The following KCNJ13 variants were observed in gnomAD, a reference collection of about 807,000 sequenced individuals.
KCNJ13 encodes potassium inwardly rectifying channel subfamily J member 13, also known as inward rectifier potassium channel 13.
KCNJ13 carries 9 observed loss-of-function variants against 24.6 expected under a neutral mutation model. The observed-to-expected ratio is 0.37, with a 90% confidence interval of 0.22 to 0.64. The LOEUF is 0.64. Ranked by LOEUF, KCNJ13 falls within the 30% of genes least tolerant of loss-of-function variation. The probability of loss-of-function intolerance (pLI) is 0.64; values close to 1 mark genes in which losing one functional copy is unlikely to be tolerated. For synonymous variants in KCNJ13, 148 were observed against 154.7 expected (o/e 0.96, Z 0.32); for missense variants, 337 against 443.8 (o/e 0.76, Z 2.16).
chr2:232,769,179 G>A (rs569299655), intron 2 of KCNJ13, among the ~76,000 whole-genome samples: 1 of 152,298 alleles, frequency 6.6e-6, no homozygotes, highest in South Asian at 2.1e-4. Flanking sequence ...AGATTACGTT[G>A]AAGTAGAGAC....
At chr2:232,769,128 A>T (rs1370301404) in intron 2 of KCNJ13, among the ~76,000 whole-genome samples, 3 of 151,826 alleles carry the variant, frequency 2.0e-5, no homozygotes, top group African/African-American at 7.3e-5. Context: ...GCCTGTGCTT[A>T]AAAAAAAGTA....
At chr2:232,771,640 G>A (rs375135863) in intron 1 of KCNJ13, among the ~76,000 whole-genome samples, 2 of 152,140 alleles carry the variant, frequency 1.3e-5, no homozygotes, top group Non-Finnish European at 2.9e-5. Flanking sequence ...CATTTTCTAA[G>A]TATATTTTAG....
At chr2:232,769,176 G>A (rs544358761) in intron 2 of KCNJ13, among the ~76,000 whole-genome samples, 70 of 152,294 alleles carry the variant, frequency 4.6e-4, no homozygotes, top group Non-Finnish European at 8.4e-4. Flanking sequence ...GCCAGATTAC[G>A]TTGAAGTAGA....
Position 232,765,863 on chromosome 2 carries a change from T to G in KCNJ13, c.*2328A>C, listed in dbSNP as rs746826106. On this transcript the variant is annotated 3_prime_UTR_variant, in exon 3 of 3. Coordinates refer to ENST00000233826, the MANE Select transcript of KCNJ13 (RefSeq NM_002242.4). ...TTTAGGTAACGACATGCCTCCAGTT[T>G]GTTGAAACTGTCATGCTATCTTTAT... 18 of 463,962 alleles carry G rather than the reference T, an allele frequency of 3.9e-5. No individual in the cohort carries two copies. Among genetic ancestry groups the G allele is most frequent in the Non-Finnish European group, 7.2e-5 (16 of 222,630 alleles). The allele number at this position is 463,962 out of a possible 1,614,324, so 28.7% of individuals were successfully genotyped here.
At chr2:232,770,623 T>C (rs530963825) in intron 2 of KCNJ13, among the ~76,000 whole-genome samples, 6 of 152,028 alleles carry the variant, frequency 3.9e-5, no homozygotes, top group African/African-American at 1.2e-4. Context: ...TTTTTTTTGA[T>C]ATGGGATATT....
chr2:232,769,468 T>G (rs1356749589), intron 2 of KCNJ13, among the ~76,000 whole-genome samples: 1 of 137,094 alleles, frequency 7.3e-6, no homozygotes, highest in African/African-American at 2.8e-5. Context: ...TTTGTAGCAC[T>G]GCACTCCAGC....
At chr2:232,769,160 G>T (rs1475608675) in intron 2 of KCNJ13, among the ~76,000 whole-genome samples, 1 of 152,128 alleles carries the variant, frequency 6.6e-6, no homozygotes, top group East Asian at 1.9e-4. Flanking sequence ...ATGCAACTTG[G>T]CTACAGCCAG....
chr2:232,773,655 A>C (rs1288911636), intron 1 of KCNJ13, among the ~76,000 whole-genome samples: 2 of 152,122 alleles, frequency 1.3e-5, no homozygotes, highest in Admixed American at 6.5e-5. Flanking sequence ...ATGATTCTTT[A>C]GATAGTAATG....
chr2:232,774,166 G>T lies in KCNJ13; in HGVS notation c.-17+2279C>A, dbSNP rs183160134. The stretch of plus-strand genomic sequence containing the variant: ...AATGAGGTATAATGAGGTAGTAAGT[G>T]GTGGATATGAATATTATACATTCTG... On this transcript the variant is annotated intron_variant, in intron 1 of 2. Transcript: ENST00000233826. Among the ~76,000 whole-genome samples the T allele has an allele frequency of 2.0e-5, 3 of 152,004 alleles. No homozygotes were observed. In the East Asian group the frequency reaches 5.8e-4, roughly 29 times the overall value.
intron 2 of KCNJ13, among the ~76,000 whole-genome samples, chr2:232,769,265 TCA>T (rs987642354): frequency 3.9e-5 from 6 of 152,130 alleles, no homozygotes; most frequent in African/African-American, 1.4e-4. Flanking sequence ...GCATGGTGTC[TCA>T]CGCCTGTAAT....
At chr2:232,772,116 A>G (rs1035668845) in intron 1 of KCNJ13, among the ~76,000 whole-genome samples, 1 of 152,138 alleles carries the variant, frequency 6.6e-6, no homozygotes, top group African/African-American at 2.4e-5. Context: ...GGCTCAATAT[A>G]TTGCCTAGGC....
rs1333506361 is a variant in KCNJ13 at position 232,767,599 on chromosome 2, T to G, written c.*592A>C. ...GTGTCATGTTCAAATGCTTTTAGGT[T>G]TATGTATAAATCTGTACTTTGTTGT... On this transcript the variant is annotated 3_prime_UTR_variant, in exon 3 of 3. Transcript: ENST00000233826. 1 of 156,138 alleles carries G rather than the reference T, an allele frequency of 6.4e-6. No homozygotes were observed. Among genetic ancestry groups the G allele is most frequent in the African/African-American group, 2.4e-5 (1 of 41,456 alleles). 9.7% of individuals were successfully genotyped at this position (156,138 alleles called of 1,614,324 possible). A position where few individuals can be genotyped will look rare whatever the true frequency, so the allele number is the denominator to read the frequency against.
rs1329889988 is a variant in KCNJ13, at chr2:232,766,505, C to T, written c.*1686G>A. 2 of 152,242 alleles carry T rather than the reference C, an allele frequency of 1.3e-5. No individual in the cohort carries two copies. Among genetic ancestry groups the T allele is most frequent in the African/African-American group, 4.8e-5 (2 of 41,416 alleles). 9.4% of individuals were successfully genotyped at this position (152,242 alleles called of 1,614,324 possible). A position where few individuals can be genotyped will look rare whatever the true frequency, so the allele number is the denominator to read the frequency against. On this transcript the variant is annotated 3_prime_UTR_variant, in exon 3 of 3. Transcript: ENST00000233826. The stretch of plus-strand genomic sequence containing the variant: ...CTTTATTTTCAAAGGTTAGGTGAAT[C>T]TTGTTAATTTATTATAGAAATAAGA...
Position 232,767,879 on chromosome 2 carries a change from C to T in KCNJ13, c.*312G>A. On this transcript the variant is annotated 3_prime_UTR_variant, in exon 3 of 3. Coordinates refer to ENST00000233826, the MANE Select transcript of KCNJ13 (RefSeq NM_002242.4). The stretch of plus-strand genomic sequence containing the variant: ...TTTCTTAGAGTTCAGTTGTGTTAAA[C>T]TTCACTGTCCATTTTGCCTTCATTA... 3.0e-6 allele frequency: 1 copy of T among 332,228 alleles called. No individual in the cohort carries two copies. The highest frequency in any genetic ancestry group is 3.1e-5 in the South Asian group (1 of 32,708). 20.6% of individuals were successfully genotyped at this position (332,228 alleles called of 1,614,324 possible).
intron 1 of KCNJ13, among the ~76,000 whole-genome samples, chr2:232,774,295 C>G (rs1380018351): frequency 6.6e-6 from 1 of 152,156 alleles, no homozygotes; most frequent in African/African-American, 2.4e-5. Flanking sequence ...AAGAGCCGCT[C>G]CAGAGTGTTT....
chr2:232,773,618 T>C (rs901536200), intron 1 of KCNJ13, among the ~76,000 whole-genome samples: 32 of 152,184 alleles, frequency 2.1e-4, no homozygotes, highest in African/African-American at 7.7e-4. Context: ...CTCAAGTATC[T>C]GTATTAAACC....
At chr2:232,773,685 A>G (rs1699377873) in intron 1 of KCNJ13, among the ~76,000 whole-genome samples, 1 of 152,080 alleles carries the variant, frequency 6.6e-6, no homozygotes, top group African/African-American at 2.4e-5. Flanking sequence ...ATTAGCTAAT[A>G]TATATATTGT....
In KCNJ13 at chr2:232,774,096, A is replaced by G. The variant is rs1013716674; in HGVS notation, c.-17+2349T>C. ...CGGGAATTCAAGACCGATCTGGCCAACATAGCGAGACCCTGTCTCTAAAAG... is the reference window on the plus strand; with the variant it reads ...CGGGAATTCAAGACCGATCTGGCCAGCATAGCGAGACCCTGTCTCTAAAAG... On this transcript the variant is annotated intron_variant, in intron 1 of 2. Coordinates refer to ENST00000233826, the MANE Select transcript of KCNJ13 (RefSeq NM_002242.4). Among the ~76,000 whole-genome samples the G allele has an allele frequency of 1.6e-4, 24 of 151,682 alleles. 1 individual carries two copies. The highest frequency in any genetic ancestry group is 1.3e-4 in the Non-Finnish European group (9 of 67,902).
intron 1 of KCNJ13, among the ~76,000 whole-genome samples, chr2:232,775,973 A>G (rs1273421956): frequency 6.6e-6 from 1 of 152,226 alleles, no homozygotes; most frequent in African/African-American, 2.4e-5. Context: ...AGAAGTATCT[A>G]TTAATTTCCG....
Sources: gnomAD v4.1 joint callset for allele counts (sites outside exome capture counted in the v4.1 genomes callset) on GRCh38, gnomAD v4.1.1 for gene constraint, MANE v1.5 for transcripts, NCBI Gene and HGNC (gene_info 2026-07-23, HGNC 2026-07-21) for gene names.